The following KIAA1614 variants were observed in gnomAD, a reference collection of about 807,000 sequenced individuals.
The protein encoded by KIAA1614 is uncharacterized protein KIAA1614.
A neutral mutation model predicts 88.7 loss-of-function variants in KIAA1614; 76 were observed. The observed-to-expected ratio is 0.86, with a 90% CI of 0.71 to 1.04. The LOEUF is 1.04. Ranked by LOEUF, KIAA1614 falls within the 50% of genes least tolerant of loss-of-function variation. The pLI is 0.00. For missense variants in KIAA1614, 1,553 were observed against 1,582.5 expected, an observed-to-expected ratio of 0.98 and a Z score of 0.32; for synonymous variants, 714 against 675.5, an observed-to-expected ratio of 1.06 and a Z score of -0.88.
At chr1:180,942,717 C>G (rs1250784895) in intron 7 of KIAA1614, among the ~76,000 whole-genome samples, 2 of 152,178 alleles carry the variant, frequency 1.3e-5, no homozygotes, top group Non-Finnish European at 2.9e-5. Context: ...TTATTGTCAT[C>G]AGGACTTCCA....
Position 180,944,465 on chromosome 1 carries a change from G to C in KIAA1614, c.3236G>C (p.Arg1079Pro), listed in dbSNP as rs767282754. 6.2e-7 allele frequency: 1 copy of C among 1,613,834 alleles called. No homozygotes were observed. Among genetic ancestry groups the C allele is most frequent in the South Asian group, 1.1e-5 (1 of 91,074 alleles). ...LHSLLSSKGN[R>P]SSLYLVAGPG... Reference sequence around the variant, plus strand: ...TCTCTGCTGAGCAGCAAGGGGAACCGGTCCAGCCTCTACCTGGTAGCAGGG... The same window carrying C: ...TCTCTGCTGAGCAGCAAGGGGAACCCGTCCAGCCTCTACCTGGTAGCAGGG... The change falls in exon 8 of 9, where the codon CGG becomes CCG. Residue 1079 changes from arginine to proline, a missense_variant. Coordinates refer to ENST00000367588, the MANE Select transcript of KIAA1614 (RefSeq NM_020950.2).
intron 1 of KIAA1614, 96 bp from the exon 2 acceptor site, chr1:180,916,058 G>T (rs1218723766): frequency 1.3e-6 from 1 of 788,944 alleles, no homozygotes; most frequent in Non-Finnish European, 2.0e-6. Flanking sequence ...CTTTCATCTG[G>T]ACAGGACTCA....
At position 180,928,447 on chromosome 1, in the gene KIAA1614, C is replaced by T. The variant is rs371052550; in HGVS notation, c.1079C>T (p.Pro360Leu). Residue 360 changes from proline (P) to leucine (L), a missense_variant, in exon 4 of 9, where the codon CCG becomes CTG. Transcript: ENST00000367588. ...SGQNRTVGPN[P>L]EPVLSPRHEE... is the part of the protein sequence containing the mutation. Reference sequence around the variant, plus strand: ...CGCTGCAGGACCGTTGGTCCCAACCCGGAGCCTGTGCTGAGCCCCAGGCAT... The same window carrying T: ...CGCTGCAGGACCGTTGGTCCCAACCTGGAGCCTGTGCTGAGCCCCAGGCAT... 162 of 1,612,926 alleles carry T rather than the reference C, an allele frequency of 1.0e-4. 1 individual carries two copies. Among genetic ancestry groups the T allele is most frequent in the Admixed American group, 9.5e-4 (57 of 59,936 alleles).
chr1:180,918,550 C>T (rs904638735), intron 3 of KIAA1614, among the ~76,000 whole-genome samples: 100 of 152,326 alleles, frequency 6.6e-4, no homozygotes, highest in African/African-American at 2.3e-3. Flanking sequence ...GTGGGGCCAT[C>T]GGCAGGCCTG....
chr1:180,944,279 T>C (rs1654532789), intron 7 of KIAA1614, 110 bp from the exon 8 acceptor site: 2 of 1,094,308 alleles, frequency 1.8e-6, no homozygotes, highest in Admixed American at 4.0e-5. Context: ...TGATAAAAGC[T>C]TGTGCTGTCA....
In KIAA1614 at chr1:180,935,417, G is replaced by A. The variant is rs770125474; in HGVS notation, c.1508G>A (p.Arg503Gln). The A allele has an allele frequency of 3.9e-5, 57 of 1,473,200 alleles. No homozygotes were observed. In the African/African-American group the frequency reaches 7.1e-4, roughly 18 times the overall value. 91.3% of individuals were successfully genotyped at this position (1,473,200 alleles called of 1,614,324 possible). Residue 503 changes from arginine to glutamine, a missense_variant, in exon 5 of 9, where the codon CGG becomes CAG. By Grantham distance (43) the Arg-to-Gln change is conservative (BLOSUM62 1). Coordinates refer to ENST00000367588, the MANE Select transcript of KIAA1614 (RefSeq NM_020950.2). The surrounding 1 kb of genome is among the most constrained non-coding windows in gnomAD (Gnocchi z 6.1). ...DLADYINGAP[R>Q]LRDAGQGTFH... is the part of the protein sequence containing the mutation. Reference sequence around the variant, plus strand: ...GCCGACTACATCAACGGGGCTCCCCGGCTCCGGGACGCGGGGCAGGGGACA... The same window carrying A: ...GCCGACTACATCAACGGGGCTCCCCAGCTCCGGGACGCGGGGCAGGGGACA...
In KIAA1614 at chr1:180,950,359, G is replaced by A. The variant is rs748260663; in HGVS notation, c.*4771G>A. 28 of 1,223,588 alleles carry A rather than the reference G, an allele frequency of 2.3e-5. No individual in the cohort carries two copies. Among genetic ancestry groups the A allele is most frequent in the Non-Finnish European group, 2.8e-5 (27 of 956,416 alleles). The allele number at this position is 1,223,588 out of a possible 1,614,324, so 75.8% of individuals were successfully genotyped here. ...CTGCAGGGATCTACGTGCAGGAGAT[G>A]GCTGACATGAGCATGGCCAAGCTGT... On this transcript the variant is annotated 3_prime_UTR_variant, in exon 9 of 9. Coordinates refer to ENST00000367588, the MANE Select transcript of KIAA1614 (RefSeq NM_020950.2).
intron 5 of KIAA1614, 24 bp downstream of exon 5, chr1:180,936,694 GC>G: frequency 7.0e-7 from 1 of 1,435,514 alleles, no homozygotes; most frequent in Non-Finnish European, 9.2e-7. Context: ...GCTGGTTCCT[GC>G]CCAGCCCAGG....
Position 180,936,635 on chromosome 1 carries a change from G to T in KIAA1614, c.2726G>T (p.Arg909Leu), listed in dbSNP as rs535764234. 21 of 1,576,350 alleles carry T rather than the reference G, an allele frequency of 1.3e-5. No individual in the cohort carries two copies. Among genetic ancestry groups the T allele is most frequent in the Non-Finnish European group, 1.6e-5 (19 of 1,164,226 alleles). ...EGRVERGPCSREPEPPLENSR... is the reference protein window; with the variant it reads ...EGRVERGPCSLEPEPPLENSR... ...AGGGTGGAGAGGGGCCCCTGCAGCCGGGAACCGGAGCCGCCCCTGGAGAAC... is the reference window on the plus strand; with the variant it reads ...AGGGTGGAGAGGGGCCCCTGCAGCCTGGAACCGGAGCCGCCCCTGGAGAAC... Residue 909 changes from arginine (R) to leucine (L), a missense_variant, in exon 5 of 9, where the codon CGG becomes CTG. Physicochemically the swap from Arg to Leu is moderately radical, Grantham distance 102. Transcript: ENST00000367588.
At chr1:180,917,130 G>A in intron 2 of KIAA1614, 30 bp downstream of exon 2, 1 of 1,559,976 alleles carries the variant, frequency 6.4e-7, no homozygotes, top group South Asian at 1.1e-5. Flanking sequence ...TCCAGGTGGT[G>A]GGGGGAGCAG....
Position 180,935,253 on chromosome 1 carries a change from G to A in KIAA1614, c.1344G>A (p.Ser448=), listed in dbSNP as rs759457976. The A allele has an allele frequency of 1.3e-6, 2 of 1,524,106 alleles. No individual in the cohort carries two copies. The highest frequency in any genetic ancestry group is 2.5e-5 in the East Asian group (1 of 40,110). The allele number at this position is 1,524,106 out of a possible 1,614,324, so 94.4% of individuals were successfully genotyped here. The change falls in exon 5 of 9, where the codon TCG becomes TCA. Residue 448 remains serine (S), a synonymous_variant. Coordinates refer to ENST00000367588, the MANE Select transcript of KIAA1614 (RefSeq NM_020950.2). This position sits in a 1 kb window ranked among gnomAD's most constrained non-coding sequence, Gnocchi z 6.1. Reference sequence around the variant, plus strand: ...GGCCGAGGCGGGGCCCCTCGCCGTCGCACGTGCGCTTTGAGGATGAGTCCG... The same window carrying A: ...GGCCGAGGCGGGGCCCCTCGCCGTCACACGTGCGCTTTGAGGATGAGTCCG... ...GHRPRRGPSP[S]HVRFEDESAR...
chr1:180,913,905 C>T (rs1459181097), intron 1 of KIAA1614: 1 of 151,820 alleles, frequency 6.6e-6, no homozygotes, highest in East Asian at 1.9e-4. Flanking sequence ...TATTTCTGTC[C>T]TCCTAAAGAT....
rs146838936 is a variant in KIAA1614 at position 180,930,157 on chromosome 1, C to T, written c.1205+1584C>T. Among the ~76,000 whole-genome samples the T allele has an allele frequency of 1.2e-3, 176 of 152,268 alleles. 1 individual carries two copies. The highest frequency in any genetic ancestry group is 4.0e-3 in the African/African-American group (167 of 41,548). ...ATGGTGGGCTGGGCACCGTGGCTCA[C>T]GCCTGTAATCCCACCACTTTGGGAG... is the stretch of plus-strand genomic sequence containing the variant. On this transcript the variant is annotated intron_variant, in intron 4 of 8. Coordinates refer to ENST00000367588, the MANE Select transcript of KIAA1614 (RefSeq NM_020950.2).
intron 3 of KIAA1614, among the ~76,000 whole-genome samples, chr1:180,922,289 G>A (rs1273879079): frequency 1.3e-5 from 2 of 152,184 alleles, no homozygotes; most frequent in African/African-American, 4.8e-5. Flanking sequence ...GAAGCGCAGG[G>A]AACATCCTAG....
rs572459836 is a variant in KIAA1614, at chr1:180,923,996, C to G, written c.1062-4434C>G. On this transcript the variant is annotated intron_variant, in intron 3 of 8. Transcript: ENST00000367588. ...AGCAAAAGAAAAAATTAAATGTAAC[C>G]ACTCAACAGTGTTTTAGGATACTTA... Among the ~76,000 whole-genome samples, 331 of 152,160 alleles carry G rather than the reference C, an allele frequency of 2.2e-3. 2 individuals are homozygous for G. The highest frequency in any genetic ancestry group is 4.1e-3 in the Non-Finnish European group (276 of 67,974).
intron 1 of KIAA1614, among the ~76,000 whole-genome samples, chr1:180,914,584 C>T (rs879928971): frequency 6.6e-6 from 1 of 152,178 alleles, no homozygotes; most frequent in South Asian, 2.1e-4. Context: ...GAGTCTCGCT[C>T]TATCGCCCAG....
intron 4 of KIAA1614, among the ~76,000 whole-genome samples, chr1:180,931,636 A>T (rs892889167): frequency 6.6e-5 from 10 of 152,222 alleles, no homozygotes; most frequent in Admixed American, 1.3e-4. Flanking sequence ...ACCTTATGTG[A>T]TTAAGCGCTC....
intron 4 of KIAA1614, among the ~76,000 whole-genome samples, chr1:180,930,670 C>G (rs1654178166): frequency 6.6e-6 from 1 of 152,258 alleles, no homozygotes; most frequent in East Asian, 1.9e-4. Context: ...CAATCACTAA[C>G]TTTAACGTAG....
chr1:180,913,564 T>A (rs1183365691), intron 1 of KIAA1614, among the ~76,000 whole-genome samples: 1 of 152,160 alleles, frequency 6.6e-6, no homozygotes, highest in Non-Finnish European at 1.5e-5. Context: ...GGGACTCCAG[T>A]GGGAGGGTCT....
Sources: allele counts gnomAD v4.1 joint callset (sites outside exome capture counted in the v4.1 genomes callset), GRCh38; gene constraint gnomAD v4.1.1; non-coding constraint Gnocchi (gnomAD v3.1); transcripts MANE v1.5; gene names NCBI Gene and HGNC (gene_info 2026-07-23, HGNC 2026-07-21).